The following EVL variants were observed in gnomAD, a reference collection of about 807,000 sequenced individuals.
The protein encoded by EVL is ena/VASP-like protein.
EVL carries 21 observed loss-of-function variants against 59.6 expected under a neutral mutation model. That is an observed-to-expected ratio of 0.35 (90% confidence interval 0.25 to 0.51). The LOEUF (loss-of-function observed/expected upper bound fraction) is 0.51, where lower values mean the gene tolerates loss of function less well. EVL is among the 20% of genes least tolerant of loss of function. The pLI, the probability that EVL is intolerant of heterozygous loss-of-function variation, is 0.97. For synonymous variants in EVL, 198 were observed against 203.5 expected (o/e 0.97, Z 0.23); for missense variants, 462 against 546.6 (o/e 0.85, Z 1.54).
intron 1 of EVL, among the ~76,000 whole-genome samples, chr14:100,067,457 A>G (rs574172586): frequency 1.5e-3 from 222 of 152,192 alleles, no homozygotes; most frequent in Non-Finnish European, 2.5e-3. Context: ...AGTTATCGCA[A>G]TAATCCTGAA....
chr14:99,979,856 C>T (rs941750902), intron 1 of EVL, among the ~76,000 whole-genome samples: 2 of 151,998 alleles, frequency 1.3e-5, no homozygotes, highest in Admixed American at 6.6e-5. Context: ...GCGAACAGAG[C>T]GAGACTCCGT....
intron 1 of EVL, among the ~76,000 whole-genome samples, chr14:100,031,121 G>C (rs1040898486): frequency 6.6e-6 from 1 of 152,200 alleles, no homozygotes; most frequent in African/African-American, 2.4e-5. Context: ...GAGCTTTCAA[G>C]AGTGACTTTC....
chr14:99,990,871 G>A (rs1000065906), intron 1 of EVL, among the ~76,000 whole-genome samples: 4 of 151,980 alleles, frequency 2.6e-5, no homozygotes, highest in African/African-American at 7.3e-5. Flanking sequence ...ATACATACCC[G>A]GAAATGGTTC....
intron 3 of EVL, chr14:100,106,502 G>C (rs552399174): frequency 5.7e-6 from 1 of 176,062 alleles, no homozygotes; most frequent in African/African-American, 2.4e-5. Flanking sequence ...GACCGCCTCC[G>C]TCTCCTAGTG....
intron 1 of EVL, among the ~76,000 whole-genome samples, chr14:99,997,156 G>C (rs761191611): frequency 6.6e-5 from 10 of 152,272 alleles, no homozygotes; most frequent in Admixed American, 3.9e-4. Flanking sequence ...TCTTTATTAC[G>C]CATTCCTTTT....
rs570561761 is a variant in EVL at position 100,059,949 on chromosome 14, T to C, written c.6-24738T>C. ...ATACAATCATAAGTTAGTAGACATA[T>C]AGAGTCAGAAAATATGACATATACT... On this transcript the variant is annotated intron_variant, in intron 1 of 13. Coordinates refer to the EVL transcript ENST00000402714. 1.4e-3 allele frequency among the ~76,000 whole-genome samples: 207 copies of C among 152,250 alleles called. 10 individuals carry two copies. In the South Asian group the frequency reaches 0.042, roughly 31 times the overall value.
rs117788352 is a variant in EVL at position 100,080,052 on chromosome 14, A to T, written c.12-4635A>T. Among the ~76,000 whole-genome samples the T allele has an allele frequency of 4.3e-3, 645 of 150,206 alleles. 25 individuals carry two copies. In the East Asian group the frequency reaches 0.09, roughly 21 times the overall value. Reference sequence around the variant, plus strand: ...CAGAACTACATGCAGAAAATTTGGGATGTGTTTTGCTTTTTTTTTTTTTTC... The same window carrying T: ...CAGAACTACATGCAGAAAATTTGGGTTGTGTTTTGCTTTTTTTTTTTTTTC... On this transcript the variant is annotated intron_variant, in intron 1 of 13. Coordinates refer to ENST00000392920, the MANE Select transcript of EVL (RefSeq NM_016337.3).
intron 1 of EVL, among the ~76,000 whole-genome samples, chr14:100,041,935 G>A (rs1014236557): frequency 5.3e-5 from 8 of 152,266 alleles, no homozygotes; most frequent in African/African-American, 2.4e-5. Context: ...GAATAGTTGT[G>A]CACTGATCTC....
chr14:100,133,725 G>C (rs1406299373), intron 8 of EVL, among the ~76,000 whole-genome samples: 6 of 152,136 alleles, frequency 3.9e-5, no homozygotes, highest in Non-Finnish European at 8.8e-5. Flanking sequence ...ATCACCTGAG[G>C]TCAGGAGTTT....
intron 8 of EVL, 183 bp from the exon 9 acceptor site, chr14:100,135,722 C>T (rs569224784): frequency 2.2e-5 from 13 of 580,564 alleles, no homozygotes; most frequent in East Asian, 1.5e-4. Context: ...TCCACTGGCT[C>T]GATTCTCTCC....
At chr14:99,991,958 C>CTGTGTGTG (rs1491151315) in intron 1 of EVL, among the ~76,000 whole-genome samples, 105 of 73,432 alleles carry the variant, frequency 1.4e-3, no homozygotes, top group African/African-American at 6.5e-3. Context: ...TGAGGGTCAA[C>CTGTGTGTG]TCTGTGTGTG....
chr14:99,974,207 C>CT (rs1212704834), intron 1 of EVL: 13 of 152,118 alleles, frequency 8.5e-5, no homozygotes, highest in African/African-American at 3.1e-4. Flanking sequence ...AATTTTAGAA[C>CT]TTTTTTCCAT....
chr14:100,004,725 C>CA (rs1464648042), intron 1 of EVL, among the ~76,000 whole-genome samples: 1 of 151,954 alleles, frequency 6.6e-6, no homozygotes, highest in East Asian at 1.9e-4. Flanking sequence ...GCTTTCTTAC[C>CA]AAAAAATACC....
Position 100,035,334 on chromosome 14 carries a change from A to ATT in EVL, c.6-49352_6-49351insTT, listed in dbSNP as rs1234479199. 5.4e-4 allele frequency among the ~76,000 whole-genome samples: 6 copies of ATT among 11,086 alleles called. 1 individual carries two copies. In the East Asian group the frequency reaches 0.012, roughly 22 times the overall value. 7.3% of individuals were successfully genotyped at this position (11,086 alleles called of 152,430 possible). A position where few individuals can be genotyped will look rare whatever the true frequency, so the allele number is the denominator to read the frequency against. ...AGATGGTAATTTCATTCAACAGTGT[A>ATT]TGTGTTTTTTTTTCTTTTTATATGC... On this transcript the variant is annotated intron_variant, in intron 1 of 13. Transcript: ENST00000402714.
chr14:100,032,806 C>T (rs2061333300), intron 1 of EVL, among the ~76,000 whole-genome samples: 1 of 152,144 alleles, frequency 6.6e-6, no homozygotes, highest in African/African-American at 2.4e-5. Context: ...AATAAACAAT[C>T]TGATATTTAA....
At chr14:100,052,004 T>A (rs1049462265) in intron 1 of EVL, among the ~76,000 whole-genome samples, 1 of 152,198 alleles carries the variant, frequency 6.6e-6, no homozygotes, top group African/African-American at 2.4e-5. Context: ...TGAAAACTCG[T>A]TGGCCCTAAA....
intron 1 of EVL, among the ~76,000 whole-genome samples, chr14:100,010,582 A>T (rs1278288192): frequency 6.6e-6 from 1 of 152,144 alleles, no homozygotes; most frequent in African/African-American, 2.4e-5. Context: ...TTTTTAGTAG[A>T]GACAGGGTTT....
chr14:100,132,801 C>T, intron 8 of EVL, 22 bp downstream of exon 8: 3 of 1,613,446 alleles, frequency 1.9e-6, no homozygotes, highest in Non-Finnish European at 1.7e-6. Context: ...GCCCGCCCCA[C>T]CCTCAGGCTC....
At chr14:100,000,340 CTT>C (rs60864913) in intron 1 of EVL, among the ~76,000 whole-genome samples, 66 of 99,858 alleles carry the variant, frequency 6.6e-4, no homozygotes, top group African/African-American at 2.1e-3. Context: ...CTGTTGCATT[CTT>C]TTTTTTTTTT....
Sources: allele counts gnomAD v4.1 joint callset (sites outside exome capture counted in the v4.1 genomes callset), GRCh38; gene constraint gnomAD v4.1.1; transcripts MANE v1.5; gene names NCBI Gene and HGNC (gene_info 2026-07-23, HGNC 2026-07-21).